Variants in STK33 observed in about 807,000 individuals in gnomAD.
The protein encoded by STK33 is serine/threonine kinase 33, also known as serine/threonine-protein kinase 33.
STK33 carries 52 observed loss-of-function variants against 58.0 expected under a neutral mutation model. That is an observed-to-expected ratio of 0.90 (90% CI 0.72 to 1.13). The LOEUF (loss-of-function observed/expected upper bound fraction) is 1.13, where lower values mean the gene tolerates loss of function less well. STK33 is among the 50% of genes most tolerant of loss of function. STK33 has a pLI of 0.00. For missense variants in STK33, 630 were observed against 604.2 expected (o/e 1.04, Z -0.45); for synonymous variants, 215 against 200.1 (o/e 1.07, Z -0.63).
chr11:8,339,064 A>C, the STK33 span, among the ~76,000 whole-genome samples: 1 of 152,212 alleles, frequency 6.6e-6, no homozygotes, highest in Non-Finnish European at 1.5e-5. Context: ...GCAGACAGAC[A>C]GATGGAAGCA....
intron 1 of STK33, among the ~76,000 whole-genome samples, chr11:8,517,119 C>T (rs1340428539): frequency 6.6e-6 from 1 of 152,168 alleles, no homozygotes; most frequent in Non-Finnish European, 1.5e-5. Flanking sequence ...GCCGGGTGCC[C>T]CTCTGAGACA....
rs750904085 is a variant in STK33, at chr11:8,392,669, G to A, written c.1386C>T (p.Asp462=). 18 of 1,614,200 alleles carry A rather than the reference G, an allele frequency of 1.1e-5. No individual in the cohort carries two copies. Among genetic ancestry groups the A allele is most frequent in the Non-Finnish European group, 1.4e-5 (17 of 1,180,038 alleles). The stretch of plus-strand genomic sequence containing the variant: ...AACTTGAACTGCACATATCAAAGTT[G>A]TCCTTACTGGTTGCAGGAAATTGCT... The part of the protein sequence containing the change: ...YEKQFPATSK[D]NFDMCSSSFT... The change falls in exon 16 of 16, where the codon GAC becomes GAT. Residue 462 remains aspartate (D), a synonymous_variant. Coordinates refer to ENST00000687296, the MANE Select transcript of STK33 (RefSeq NM_001352389.2).
chr11:8,494,624 G>A (rs1392336910), intron 1 of STK33, among the ~76,000 whole-genome samples: 1 of 152,108 alleles, frequency 6.6e-6, no homozygotes, highest in Admixed American at 6.6e-5. Context: ...CCAAAAAAGA[G>A]CCCACATTGC....
intron 14 of STK33, among the ~76,000 whole-genome samples, chr11:8,429,588 AC>A (rs1943169763): frequency 6.6e-6 from 1 of 151,992 alleles, no homozygotes; most frequent in African/African-American, 2.4e-5. Context: ...TCGTTATCTT[AC>A]CCCAGTCCTA....
At chr11:8,348,485 G>A in the STK33 span, among the ~76,000 whole-genome samples, 1 of 152,182 alleles carries the variant, frequency 6.6e-6, no homozygotes, top group Admixed American at 6.5e-5. Context: ...ACAGCAGCAT[G>A]AGGGTAACTG....
At chr11:8,389,113 A>G (rs1222812296), downstream of STK33, among the ~76,000 whole-genome samples, 1 of 152,170 alleles carries the variant, frequency 6.6e-6, no homozygotes, top group South Asian at 2.1e-4. Flanking sequence ...TTTAACAGAG[A>G]CTGTTCATAA....
the STK33 span, among the ~76,000 whole-genome samples, chr11:8,346,520 G>T: frequency 6.6e-6 from 1 of 152,198 alleles, no homozygotes. Context: ...GTGGCAGATG[G>T]TGGCATGGTG....
At chr11:8,362,684 G>A in the STK33 span, among the ~76,000 whole-genome samples, 8 of 152,268 alleles carry the variant, frequency 5.3e-5, no homozygotes, top group South Asian at 6.2e-4. Flanking sequence ...ATGGGGTGTC[G>A]CTTCTCTAGA....
intron 12 of STK33, among the ~76,000 whole-genome samples, chr11:8,440,126 G>C (rs1334939933): frequency 1.3e-5 from 2 of 151,928 alleles, no homozygotes; most frequent in African/African-American, 4.8e-5. Flanking sequence ...AAAATGAGCA[G>C]GACATGGAGT....
intron 1 of STK33, among the ~76,000 whole-genome samples, chr11:8,592,263 T>C (rs2032733312): frequency 6.6e-6 from 1 of 152,214 alleles, no homozygotes; most frequent in Non-Finnish European, 1.5e-5. Flanking sequence ...TAGTGGTTCC[T>C]GCCTGGGCTG....
chr11:8,489,257 C>CAAAAAAAAAAAA (rs377017514), intron 1 of STK33, among the ~76,000 whole-genome samples: 1 of 64,336 alleles, frequency 1.6e-5, no homozygotes, highest in Non-Finnish European at 2.9e-5. Context: ...AAGCTATCTC[C>CAAAAAAAAAAAA]AAAAAAAAAA....
chr11:8,384,612 G>C, the STK33 span, among the ~76,000 whole-genome samples: 1 of 152,224 alleles, frequency 6.6e-6, no homozygotes, highest in African/African-American at 2.4e-5. Context: ...AGCAGAAATA[G>C]TGAAAGTATT....
chr11:8,487,479 G>C (rs1383516085), intron 1 of STK33, among the ~76,000 whole-genome samples: 2 of 149,820 alleles, frequency 1.3e-5, no homozygotes, highest in Non-Finnish European at 3.0e-5. Context: ...TCATAGAAAA[G>C]GCACCTGAAG....
At chr11:8,343,369 G>T in the STK33 span, among the ~76,000 whole-genome samples, 1 of 152,226 alleles carries the variant, frequency 6.6e-6, no homozygotes, top group Admixed American at 6.5e-5. Context: ...GGTGGGGAAG[G>T]GTCTCCCTTG....
At chr11:8,572,796 T>C (rs1034834569) in intron 1 of STK33, among the ~76,000 whole-genome samples, 30 of 151,234 alleles carry the variant, frequency 2.0e-4, no homozygotes, top group African/African-American at 6.6e-4. Context: ...AAAAATGCAA[T>C]AGATAGAATT....
At chr11:8,422,205 T>C (rs1334203250) in intron 14 of STK33, among the ~76,000 whole-genome samples, 1 of 152,172 alleles carries the variant, frequency 6.6e-6, no homozygotes. Flanking sequence ...TTACAAATGA[T>C]TTCTCTGAAA....
the STK33 span, among the ~76,000 whole-genome samples, chr11:8,386,244 C>A: frequency 6.6e-6 from 1 of 152,154 alleles, no homozygotes; most frequent in Non-Finnish European, 1.5e-5. Context: ...AGATTTCACA[C>A]GGGCTGGGCT....
chr11:8,583,711 A>G (rs2030881867), intron 1 of STK33, among the ~76,000 whole-genome samples: 1 of 152,212 alleles, frequency 6.6e-6, no homozygotes, highest in Non-Finnish European at 1.5e-5. Context: ...GAATAATCAT[A>G]TCCTCTGAAA....
At chr11:8,454,626 G>A in intron 10 of STK33, 118 bp downstream of exon 10, 1 of 1,240,726 alleles carries the variant, frequency 8.1e-7, no homozygotes, top group Non-Finnish European at 1.1e-6. Flanking sequence ...TTTAGCACAA[G>A]CCACTTATTT....
Sources: allele counts gnomAD v4.1 joint callset (sites outside exome capture counted in the v4.1 genomes callset), GRCh38; gene constraint gnomAD v4.1.1; transcripts MANE v1.5; gene names NCBI Gene and HGNC (gene_info 2026-07-23, HGNC 2026-07-21).